LRRTM1: variants seen among roughly 807,000 people sequenced by gnomAD.
LRRTM1 encodes the protein leucine-rich repeat transmembrane neuronal protein 1.
In LRRTM1, 8 loss-of-function variants were observed where a neutral mutation model predicts 37.3. The observed-to-expected ratio is 0.21, with a 90% CI of 0.13 to 0.39. The LOEUF is 0.39. Among genes scored for constraint, LRRTM1 ranks in the 10% least tolerant of loss-of-function variants. LRRTM1 has a pLI of 1.00. For synonymous variants in LRRTM1, 326 were observed against 316.8 expected (o/e 1.03, Z -0.31); for missense variants, 557 against 691.0 (o/e 0.81, Z 2.17).
Position 80,303,512 on chromosome 2 carries a change from G to A in LRRTM1, c.308C>T (p.Ser103Phe), listed in dbSNP as rs778573332. The A allele has an allele frequency of 4.3e-5, 69 of 1,614,126 alleles. No individual in the cohort carries two copies. Among genetic ancestry groups the A allele is most frequent in the Non-Finnish European group, 4.8e-5 (57 of 1,180,056 alleles). The stretch of plus-strand genomic sequence containing the variant: ...TTTCTGAAAGGCGTCCCCCTGCACG[G>A]AGCAGATGTGATTGTGATCCAGATA... ...WLYLDHNHIC[S>F]VQGDAFQKLR... Residue 103 changes from serine to phenylalanine, a missense_variant, in exon 2 of 2, where the codon TCC (serine) becomes TTC (phenylalanine). Around this residue, in one of 5 missense-constraint regions of LRRTM1, gnomAD observed 140 missense variants for 138.1 expected, o/e 1.01. Transcript: ENST00000295057. This position sits in a 1 kb window ranked among gnomAD's most constrained non-coding sequence, Gnocchi z 7.7.
intron 2 of LRRTM1, among the ~76,000 whole-genome samples, chr2:80,294,938 T>C (rs1325130810): frequency 6.6e-6 from 1 of 152,212 alleles, no homozygotes; most frequent in African/African-American, 2.4e-5. Context: ...TTGAAAAGGA[T>C]TGAGGAGTCA....
At chr2:80,289,382 C>T (rs867151420) in intron 2 of LRRTM1, among the ~76,000 whole-genome samples, 10 of 152,022 alleles carry the variant, frequency 6.6e-5, no homozygotes, top group African/African-American at 1.7e-4. Flanking sequence ...TATTACTTGC[C>T]CTACTAATCT....
chr2:80,289,262 A>G (rs1009641363), intron 2 of LRRTM1: 3 of 152,164 alleles, frequency 2.0e-5, no homozygotes, highest in Non-Finnish European at 2.9e-5. Context: ...CAAGTGTCAA[A>G]GCATCTGTAG....
At chr2:80,295,803 G>C (rs1300247750) in intron 2 of LRRTM1, among the ~76,000 whole-genome samples, 1 of 152,142 alleles carries the variant, frequency 6.6e-6, no homozygotes, top group Non-Finnish European at 1.5e-5. Flanking sequence ...GACCTGCCCT[G>C]CAGAAATGTT....
chr2:80,295,731 T>A (rs925371572), intron 2 of LRRTM1, among the ~76,000 whole-genome samples: 9 of 152,350 alleles, frequency 5.9e-5, no homozygotes, highest in Non-Finnish European at 1.0e-4. Flanking sequence ...TAAATGACAG[T>A]ACTATGTCTA....
downstream of LRRTM1, chr2:80,301,871 C>A (rs1676350329): frequency 6.1e-6 from 1 of 163,850 alleles, no homozygotes. Flanking sequence ...TTACACCAGT[C>A]TGTAAAAACT....
Position 80,302,622 on chromosome 2 carries a change from C to T in LRRTM1, c.1198G>A (p.Gly400Arg). 4 of 1,606,052 alleles carry T rather than the reference C, an allele frequency of 2.5e-6. No individual in the cohort carries two copies. Among genetic ancestry groups the T allele is most frequent in the Non-Finnish European group, 3.4e-6 (4 of 1,178,396 alleles). The change falls in exon 2 of 2, where the codon GGG becomes AGG. Residue 400 changes from glycine (G) to arginine (R), a missense_variant. Coordinates refer to ENST00000295057, the MANE Select transcript of LRRTM1 (RefSeq NM_178839.5). This position sits in a 1 kb window ranked among gnomAD's most constrained non-coding sequence, Gnocchi z 6.4. ...SATTLADGGE[G>R]QHDGTFEPAT... Reference sequence around the variant, plus strand: ...GGCTCGAATGTGCCGTCGTGCTGCCCCTCCCCGCCGTCCGCGAGCGTGGTG... The same window carrying T: ...GGCTCGAATGTGCCGTCGTGCTGCCTCTCCCCGCCGTCCGCGAGCGTGGTG...
chr2:80,290,098 T>A (rs902299880), intron 2 of LRRTM1, among the ~76,000 whole-genome samples: 1 of 152,162 alleles, frequency 6.6e-6, no homozygotes, highest in Admixed American at 6.5e-5. Flanking sequence ...CCTTACCAGA[T>A]CCTTGTGAAG....
chr2:80,303,872 C>A lies in LRRTM1; in HGVS notation c.-53G>T. ...AGAATGTCCATTGGAAGCGCTCGGTCAGAAATCTACATCATATTTTATTCC... is the reference window on the plus strand; with the variant it reads ...AGAATGTCCATTGGAAGCGCTCGGTAAGAAATCTACATCATATTTTATTCC... On this transcript the variant is annotated 5_prime_UTR_variant, in exon 2 of 2. Coordinates refer to ENST00000295057, the MANE Select transcript of LRRTM1 (RefSeq NM_178839.5). The surrounding 1 kb of genome is among the most constrained non-coding windows in gnomAD (Gnocchi z 7.7). The A allele has an allele frequency of 6.8e-7, 1 of 1,466,294 alleles. No individual in the cohort carries two copies. The highest frequency in any genetic ancestry group is 1.6e-5 in the South Asian group (1 of 61,540). The allele number at this position is 1,466,294 out of a possible 1,614,324, so 90.8% of individuals were successfully genotyped here.
At chr2:80,290,906 C>T (rs1330899873) in intron 2 of LRRTM1, among the ~76,000 whole-genome samples, 2 of 152,208 alleles carry the variant, frequency 1.3e-5, no homozygotes, top group African/African-American at 4.8e-5. Context: ...ACGTAAAACA[C>T]TAAACTGACG....
chr2:80,300,281 G>GGTGTGTGTGT (rs70940079), downstream of LRRTM1, among the ~76,000 whole-genome samples: 23 of 93,108 alleles, frequency 2.5e-4, no homozygotes, highest in African/African-American at 5.3e-4. Flanking sequence ...GGGGTGTTGG[G>GGTGTGTGTGT]GTGTGTGTGT....
At position 80,302,134 on chromosome 2, in the gene LRRTM1, T is replaced by C; in HGVS notation, c.*117A>G. 7.7e-7 allele frequency: 1 copy of C among 1,305,642 alleles called. No homozygotes were observed. The highest frequency in any genetic ancestry group is 1.0e-6 in the Non-Finnish European group (1 of 970,118). The allele number at this position is 1,305,642 out of a possible 1,614,324, so 80.9% of individuals were successfully genotyped here. On this transcript the variant is annotated 3_prime_UTR_variant, in exon 2 of 2. Coordinates refer to ENST00000295057, the MANE Select transcript of LRRTM1 (RefSeq NM_178839.5). This position sits in a 1 kb window ranked among gnomAD's most constrained non-coding sequence, Gnocchi z 6.4. ...GTCTCTGGGAGAGATCCCCTTAAAG[T>C]TTCAGTCAAGGAGCATATCAGAGCA...
intron 2 of LRRTM1, among the ~76,000 whole-genome samples, chr2:80,290,218 C>T (rs907962935): frequency 6.6e-6 from 1 of 152,112 alleles, no homozygotes; most frequent in Non-Finnish European, 1.5e-5. Flanking sequence ...CTAATTAATT[C>T]CATGCCAGAT....
chr2:80,291,100 T>C (rs1014765200), intron 2 of LRRTM1, among the ~76,000 whole-genome samples: 7 of 152,140 alleles, frequency 4.6e-5, no homozygotes, highest in Non-Finnish European at 4.4e-5. Flanking sequence ...ACTTTTGGAA[T>C]CTCAATTCCC....
At chr2:80,300,302 G>A (rs905470621), downstream of LRRTM1, among the ~76,000 whole-genome samples, 9 of 150,804 alleles carry the variant, frequency 6.0e-5, no homozygotes, top group African/African-American at 2.0e-4. Flanking sequence ...GTGTGTGTGT[G>A]TGTGTGTGTG....
chr2:80,303,793 A>G lies in LRRTM1; in HGVS notation c.27T>C (p.Cys9=), dbSNP rs754971036. MDFLLLGL[C]LYWLLRRPSG... is the part of the protein sequence containing the mutation. ...AGGGCCTCCTCAGCAGCCAGTATAG[A>G]CAGAGACCGAGCAGCAGGAAATCCA... Residue 9 remains cysteine (C), a synonymous_variant, in exon 2 of 2, where the codon TGT becomes TGC. Transcript: ENST00000295057. The surrounding 1 kb of genome is among the most constrained non-coding windows in gnomAD (Gnocchi z 7.7). The G allele has an allele frequency of 7.2e-6, 11 of 1,522,714 alleles. No individual in the cohort carries two copies. 94.3% of individuals were successfully genotyped at this position (1,522,714 alleles called of 1,614,324 possible). A position where few individuals can be genotyped will look rare whatever the true frequency, so the allele number is the denominator to read the frequency against.
At chr2:80,290,938 C>T (rs1558973545) in intron 2 of LRRTM1, among the ~76,000 whole-genome samples, 1 of 152,228 alleles carries the variant, frequency 6.6e-6, no homozygotes, top group Admixed American at 6.5e-5. Context: ...TTCCCAACAG[C>T]TCTAGCATTC....
At chr2:80,293,065 T>C (rs1375388005) in intron 2 of LRRTM1, among the ~76,000 whole-genome samples, 1 of 152,210 alleles carries the variant, frequency 6.6e-6, no homozygotes, top group Non-Finnish European at 1.5e-5. Context: ...AGAAACACAG[T>C]CTCAGTTTCA....
Position 80,290,552 on chromosome 2 carries a change from A to AT in LRRTM1, c.*307-1358dup, listed in dbSNP as rs890160761. 6.0e-4 allele frequency among the ~76,000 whole-genome samples: 91 copies of AT among 151,044 alleles called. 1 individual carries two copies. The highest frequency in any genetic ancestry group is 1.7e-3 in the African/African-American group (70 of 41,130). On this transcript the variant is annotated intron_variant and NMD_transcript_variant, in intron 2 of 2. Transcript: ENST00000417012. ...TTATCTAGCTCAGTGTTTCCCAGCCATTTTTTTTCATTCTCCCACTGCCCC... is the reference window on the plus strand; with the variant it reads ...TTATCTAGCTCAGTGTTTCCCAGCCATTTTTTTTTCATTCTCCCACTGCCCC...
Sources: allele counts gnomAD v4.1 joint callset (sites outside exome capture counted in the v4.1 genomes callset), GRCh38; gene constraint gnomAD v4.1.1; regional missense constraint gnomAD v4.1.1; non-coding constraint Gnocchi (gnomAD v3.1); transcripts MANE v1.5; gene names NCBI Gene and HGNC (gene_info 2026-07-23, HGNC 2026-07-21).